TPM4: variants seen among roughly 807,000 people sequenced by gnomAD.
The protein encoded by TPM4 is tropomyosin 4.
TPM4 carries 17 observed loss-of-function variants against 35.8 expected under a neutral mutation model. The observed-to-expected ratio is 0.47, with a 90% CI of 0.32 to 0.71. The LOEUF (loss-of-function observed/expected upper bound fraction) is 0.71. Ranked by LOEUF, TPM4 falls within the 30% of genes least tolerant of loss-of-function variation. The probability of loss-of-function intolerance (pLI) is 0.03; values close to 1 mark genes in which losing one functional copy is unlikely to be tolerated. For synonymous variants in TPM4, 120 were observed against 122.9 expected (o/e 0.98, Z 0.15); for missense variants, 240 against 320.9 (o/e 0.75, Z 1.93).
chr19:16,080,098 G>A, intron 1 of TPM4: 1 of 193,890 alleles, frequency 5.2e-6, no homozygotes, highest in African/African-American at 2.3e-5. Context: ...CTCGGTTGAG[G>A]CCCGTTTGAC....
At chr19:16,071,823 C>T (rs960113476), upstream of TPM4, among the ~76,000 whole-genome samples, 5 of 152,204 alleles carry the variant, frequency 3.3e-5, no homozygotes, top group African/African-American at 1.2e-4. Context: ...CTGCCCACTC[C>T]CCTCCCAGGG....
intron 6 of TPM4, 30 bp from the exon 7 acceptor site, chr19:16,093,654 C>T (rs1209403341): frequency 9.9e-6 from 16 of 1,614,076 alleles, no homozygotes. Flanking sequence ...GTCTTGAAGC[C>T]ATGATAGTAA....
chr19:16,099,140 C>T lies in TPM4; in HGVS notation c.665-2124C>T, dbSNP rs543627720. On this transcript the variant is annotated intron_variant, in intron 7 of 7. Coordinates refer to ENST00000643579, the MANE Select transcript of TPM4 (RefSeq NM_003290.3). The stretch of plus-strand genomic sequence containing the variant: ...TGTCACCCAGGCTGGAGGGCAGTGA[C>T]GCAATCTCGGCTCACTGCAGTGTCC... Among the ~76,000 whole-genome samples, 11 of 151,944 alleles carry T rather than the reference C, an allele frequency of 7.2e-5. No homozygotes were observed. The South Asian group carries it at 1.0e-3, about 14-fold the overall frequency.
upstream of TPM4, chr19:16,076,359 G>T (rs2090405068): frequency 6.9e-7 from 1 of 1,451,532 alleles, no homozygotes; most frequent in South Asian, 1.5e-5. Flanking sequence ...GCCGACGTCA[G>T]GCCCTCCCCC....
At chr19:16,072,801 G>A (rs2090367048), upstream of TPM4, among the ~76,000 whole-genome samples, 1 of 151,928 alleles carries the variant, frequency 6.6e-6, no homozygotes, top group Non-Finnish European at 1.5e-5. Context: ...CAGCTACTAG[G>A]GAGGTTGAGG....
chr19:16,076,821 C>T, intron 1 of TPM4, 124 bp downstream of exon 1: 1 of 1,261,542 alleles, frequency 7.9e-7, no homozygotes, highest in Non-Finnish European at 1.0e-6. Context: ...CGCCCTCGGA[C>T]GCCGATCGCC....
At position 16,070,464 on chromosome 19, in the gene TPM4, G is replaced by A. The variant is rs539789422; in HGVS notation, c.114+2726G>A. ...GGGAGATGCCTAGGACCATGGCACC[G>A]AGTGCCCAGCCCCACCCAGGCCAGG... On this transcript the variant is annotated intron_variant, in intron 2 of 2. Transcript: ENST00000589897. The surrounding 1 kb of genome is among the most constrained non-coding windows in gnomAD (Gnocchi z 7.4). Among the ~76,000 whole-genome samples, 7 of 152,300 alleles carry A rather than the reference G, an allele frequency of 4.6e-5. No individual in the cohort carries two copies. Among genetic ancestry groups the A allele is most frequent in the African/African-American group, 1.7e-4 (7 of 41,564 alleles).
chr19:16,067,862 C>T lies in TPM4; in HGVS notation c.114+124C>T, dbSNP rs1490050650. 4 of 898,104 alleles carry T rather than the reference C, an allele frequency of 4.5e-6. No homozygotes were observed. Among genetic ancestry groups the T allele is most frequent in the South Asian group, 1.7e-5 (1 of 60,032 alleles). The allele number at this position is 898,104 out of a possible 1,614,324, so 55.6% of individuals were successfully genotyped here. Reference sequence around the variant, plus strand: ...GGAGGATAGGAGGCTGATGCTTTGGCGGAGGAAGAGCGAGGGGACCATTGC... The same window carrying T: ...GGAGGATAGGAGGCTGATGCTTTGGTGGAGGAAGAGCGAGGGGACCATTGC... On this transcript the variant is annotated intron_variant, in intron 2 of 2. Coordinates refer to the TPM4 transcript ENST00000589897. This position sits in a 1 kb window ranked among gnomAD's most constrained non-coding sequence, Gnocchi z 4.1.
At chr19:16,073,511 G>A (rs1471914203), upstream of TPM4, among the ~76,000 whole-genome samples, 1 of 152,268 alleles carries the variant, frequency 6.6e-6, no homozygotes, top group African/African-American at 2.4e-5. Flanking sequence ...AAAAGGGGAC[G>A]GGGGTCGCAG....
At chr19:16,068,468 G>A (rs919656054) in intron 2 of TPM4, among the ~76,000 whole-genome samples, 11 of 152,178 alleles carry the variant, frequency 7.2e-5, no homozygotes, top group Non-Finnish European at 8.8e-5. Context: ...GAGCCACTGC[G>A]CCCGGCCATT....
At chr19:16,096,969 T>TTTTTTTTTTTTTTTTTTTTTC (rs1568312345) in intron 7 of TPM4, among the ~76,000 whole-genome samples, 1 of 112,570 alleles carries the variant, frequency 8.9e-6, no homozygotes, top group African/African-American at 3.7e-5. Flanking sequence ...TTTTTTTTTT[T>TTTTTTTTTTTTTTTTTTTTTC]TCAAGACAGG....
rs1344406998 is a variant in TPM4 at position 16,088,062 on chromosome 19, G to A, written c.420G>A (p.Leu140=). ...AGCTGGTCATCCTGGAGGGTGAGCT[G>A]GAGAGGGCAGAGGAGCGTGCGGAGG... ...ARKLVILEGE[L]ERAEERAEVS... The change falls in exon 4 of 8, where the codon CTG becomes CTA. Residue 140 remains leucine, a synonymous_variant. Transcript: ENST00000643579. 3.1e-6 allele frequency: 5 copies of A among 1,612,752 alleles called. No homozygotes were observed. The highest frequency in any genetic ancestry group is 4.2e-6 in the Non-Finnish European group (5 of 1,179,640).
intron 2 of TPM4, among the ~76,000 whole-genome samples, chr19:16,068,188 G>A (rs1339227678): frequency 6.6e-6 from 1 of 151,576 alleles, no homozygotes; most frequent in African/African-American, 2.4e-5. Flanking sequence ...GTGTGTGTGT[G>A]TGTGTTTGAG....
rs137966478 is a variant in TPM4 at position 16,091,643 on chromosome 19, T to C, written c.532-1893T>C. On this transcript the variant is annotated intron_variant, in intron 5 of 7. Transcript: ENST00000643579. The stretch of plus-strand genomic sequence containing the variant: ...TACAAAAACTAGCTGGGCATGGTGG[T>C]GCATGCTTGTGATCCTAGCTACTTG... 1.4e-3 allele frequency among the ~76,000 whole-genome samples: 211 copies of C among 152,136 alleles called. 1 individual carries two copies. The highest frequency in any genetic ancestry group is 4.9e-3 in the African/African-American group (202 of 41,510).
At chr19:16,072,738 C>G (rs1448887125), upstream of TPM4, among the ~76,000 whole-genome samples, 1 of 150,666 alleles carries the variant, frequency 6.6e-6, no homozygotes, top group African/African-American at 2.4e-5. Context: ...AAAACCCTGT[C>G]TCTACAAAAA....
intron 5 of TPM4, among the ~76,000 whole-genome samples, chr19:16,092,217 G>C (rs2144952288): frequency 6.6e-6 from 1 of 152,076 alleles, no homozygotes; most frequent in Non-Finnish European, 1.5e-5. Flanking sequence ...ATTTCTGATG[G>C]GTCATCATGG....
upstream of TPM4, chr19:16,076,462 G>T (rs1407579594): frequency 3.0e-6 from 4 of 1,333,534 alleles, no homozygotes; most frequent in Admixed American, 4.2e-5. Flanking sequence ...CGGCCCCCGC[G>T]CAGGCAAAGG....
At chr19:16,076,762 C>A in intron 1 of TPM4, 65 bp downstream of exon 1, 2 of 1,284,854 alleles carry the variant, frequency 1.6e-6, no homozygotes, top group Non-Finnish European at 2.0e-6. Context: ...CCTTTCTTCC[C>A]GGCTTCCCGC....
At chr19:16,078,365 T>A (rs2090438997) in intron 1 of TPM4, among the ~76,000 whole-genome samples, 4 of 152,144 alleles carry the variant, frequency 2.6e-5, no homozygotes, top group African/African-American at 7.2e-5. Flanking sequence ...GTGTTGAGGC[T>A]CAGGGTGGGG....
Sources: allele counts gnomAD v4.1 joint callset (sites outside exome capture counted in the v4.1 genomes callset), GRCh38; gene constraint gnomAD v4.1.1; non-coding constraint Gnocchi (gnomAD v3.1); transcripts MANE v1.5; gene names NCBI Gene and HGNC (gene_info 2026-07-23, HGNC 2026-07-21).